NAT10: variants seen among roughly 807,000 people sequenced by gnomAD.
NAT10 encodes RNA cytidine acetyltransferase.
In NAT10, 109 loss-of-function variants were observed where a neutral mutation model predicts 132.2. The ratio of observed to expected loss-of-function variants is 0.82; its 90% CI spans 0.71 to 0.97. The LOEUF (loss-of-function observed/expected upper bound fraction) is 0.97. NAT10 is among the 50% of genes least tolerant of loss of function. The pLI is 0.00. For synonymous variants in NAT10, 479 were observed against 478.0 expected (o/e 1.00, Z -0.03); for missense variants, 1,184 against 1,263.4 (o/e 0.94, Z 0.95).
At chr11:34,120,461 T>G (rs1459160408) in intron 8 of NAT10, among the ~76,000 whole-genome samples, 1 of 152,236 alleles carries the variant, frequency 6.6e-6, no homozygotes, top group Non-Finnish European at 1.5e-5. Context: ...CTTCAGTGTC[T>G]TCTTAGCATC....
Position 34,134,538 on chromosome 11 carries a change from G to C in NAT10, c.1863G>C (p.Leu621=), listed in dbSNP as rs747848315. 8 of 1,614,068 alleles carry C rather than the reference G, an allele frequency of 5.0e-6. No individual in the cohort carries two copies. The Admixed American group carries it at 6.7e-5, about 13-fold the overall frequency. Reference sequence around the variant, plus strand: ...TCCAAGATCCAGACTTTGGTGGTCTGTCTGGTGGAAGGGTCGTTCGCATTG... The same window carrying C: ...TCCAAGATCCAGACTTTGGTGGTCTCTCTGGTGGAAGGGTCGTTCGCATTG... ...EQFQDPDFGG[L]SGGRVVRIAV... is the part of the protein sequence containing the mutation. Residue 621 remains leucine (L), a synonymous_variant, in exon 18 of 29, where the codon CTG becomes CTC. Coordinates refer to ENST00000257829, the MANE Select transcript of NAT10 (RefSeq NM_024662.3).
Position 34,134,500 on chromosome 11 carries a change from T to C in NAT10, c.1837-12T>C. ...TGTGTTGCTAAGTTACTGGTTTGTG[T>C]CTCCCACACAGTTCCAAGATCCAGA... On this transcript the variant is annotated splice_polypyrimidine_tract_variant and intron_variant, in intron 17 of 28. Coordinates refer to ENST00000257829, the MANE Select transcript of NAT10 (RefSeq NM_024662.3). 6.2e-7 allele frequency: 1 copy of C among 1,614,094 alleles called. No homozygotes were observed. Among genetic ancestry groups the C allele is most frequent in the South Asian group, 1.1e-5 (1 of 91,082 alleles).
chr11:34,127,541 C>G lies in NAT10; in HGVS notation c.1186C>G (p.Pro396Ala). Residue 396 changes from proline to alanine, a missense_variant, in exon 12 of 29, where the codon CCC (proline) becomes GCC (alanine). Pro to Ala is a conservative substitution (Grantham distance 27). Coordinates refer to ENST00000257829, the MANE Select transcript of NAT10 (RefSeq NM_024662.3). ...VIDEAAAIPL[P>A]LVKSLLGPYL... ...TGATGAAGCTGCCGCCATCCCCCTCCCCTTGGTGAAGAGCCTACTTGGCCC... is the reference window on the plus strand; with the variant it reads ...TGATGAAGCTGCCGCCATCCCCCTCGCCTTGGTGAAGAGCCTACTTGGCCC... The G allele has an allele frequency of 6.2e-7, 1 of 1,614,170 alleles. No individual in the cohort carries two copies. Among genetic ancestry groups the G allele is most frequent in the Non-Finnish European group, 8.5e-7 (1 of 1,180,012 alleles).
intron 6 of NAT10, among the ~76,000 whole-genome samples, chr11:34,116,128 G>C (rs1851778722): frequency 6.6e-6 from 1 of 152,116 alleles, no homozygotes; most frequent in African/African-American, 2.4e-5. Flanking sequence ...GTTAAACCAG[G>C]TTACTCTCTC....
intron 21 of NAT10, chr11:34,138,973 A>C (rs1852268144): frequency 1.8e-6 from 1 of 543,772 alleles, no homozygotes; most frequent in Non-Finnish European, 3.3e-6. Context: ...AGGAGATTGC[A>C]GGACAGTGAT....
intron 16 of NAT10, among the ~76,000 whole-genome samples, chr11:34,133,927 CGGA>C (rs1852154571): frequency 6.6e-6 from 1 of 150,572 alleles, no homozygotes; most frequent in Non-Finnish European, 1.5e-5. Context: ...CCGAGGCGGG[CGGA>C]TCACAAGGTC....
chr11:34,129,730 T>G (rs561676536), intron 12 of NAT10, among the ~76,000 whole-genome samples: 1 of 149,944 alleles, frequency 6.7e-6, no homozygotes. Flanking sequence ...TGCCTCAGCC[T>G]CTTGAGTAGC....
intron 26 of NAT10, 183 bp from the exon 27 acceptor site, chr11:34,142,092 A>G (rs1447520071): frequency 3.1e-6 from 2 of 645,948 alleles, no homozygotes; most frequent in East Asian, 5.5e-5. Context: ...GACTTCTTAA[A>G]TGCATAGTTT....
chr11:34,107,852 C>A (rs113967792), intron 1 of NAT10, among the ~76,000 whole-genome samples: 12,999 of 152,260 alleles, frequency 0.085, 581 homozygotes, highest in African/African-American at 0.092. Flanking sequence ...TCCAGCCTGG[C>A]GACAGAGTGA....
chr11:34,141,123 C>G lies in NAT10; in HGVS notation c.2627C>G (p.Ser876Cys), dbSNP rs753850727. The G allele has an allele frequency of 4.3e-6, 7 of 1,613,944 alleles. No individual in the cohort carries two copies. The highest frequency in any genetic ancestry group is 5.9e-6 in the Non-Finnish European group (7 of 1,180,008). ...TTGGGGATTGGCCTGCAGCATAAGT[C>G]TGTGGACCAGCTGGAAAAGGAGATT... ...LLLGIGLQHK[S>C]VDQLEKEIEL... Residue 876 changes from serine to cysteine, a missense_variant, in exon 25 of 29, where the codon TCT (serine) becomes TGT (cysteine). Physicochemically the swap from Ser to Cys is moderately radical, Grantham distance 112 (BLOSUM62 -1). Coordinates refer to ENST00000257829, the MANE Select transcript of NAT10 (RefSeq NM_024662.3).
In NAT10 at chr11:34,135,287, G is replaced by A. The variant is rs372051291; in HGVS notation, c.2024G>A (p.Ser675Asn). 1.2e-6 allele frequency: 2 copies of A among 1,613,592 alleles called. No individual in the cohort carries two copies. Among genetic ancestry groups the A allele is most frequent in the Non-Finnish European group, 1.7e-6 (2 of 1,179,610 alleles). Residue 675 changes from serine to asparagine, a missense_variant, in exon 19 of 29, where the codon AGC becomes AAC. By Grantham distance (46) the Ser-to-Asn change is conservative. Transcript: ENST00000257829. ...CCACAGGAAATTCACACCGTAAGCA[G>A]CGAGGTAAGCATCTTTCGACAGACC... ...ETPQEIHTVSSEAVSLLEEVI... is the reference protein window; with the variant it reads ...ETPQEIHTVSNEAVSLLEEVI...
Position 34,146,320 on chromosome 11 carries a change from C to A in NAT10, c.*128C>A. On this transcript the variant is annotated 3_prime_UTR_variant, in exon 29 of 29. Coordinates refer to ENST00000257829, the MANE Select transcript of NAT10 (RefSeq NM_024662.3). ...CCTGGAAGCTGGCCGCGAATTCGGC[C>A]TCTGGGCCTGTGTGTCTGTGAGCTC... 1 of 657,670 alleles carries A rather than the reference C, an allele frequency of 1.5e-6. No homozygotes were observed. Among genetic ancestry groups the A allele is most frequent in the East Asian group, 2.8e-5 (1 of 35,302 alleles). The allele number at this position is 657,670 out of a possible 1,614,324, so 40.7% of individuals were successfully genotyped here.
chr11:34,124,429 C>A (rs776908270), intron 11 of NAT10, 29 bp downstream of exon 11: 3 of 1,516,116 alleles, frequency 2.0e-6, no homozygotes, highest in Admixed American at 1.7e-5. Flanking sequence ...CCCTGATGTG[C>A]AGGGCCAGTG....
intron 6 of NAT10, among the ~76,000 whole-genome samples, chr11:34,116,507 C>T (rs1467088191): frequency 6.6e-6 from 1 of 152,072 alleles, no homozygotes; most frequent in East Asian, 1.9e-4. Flanking sequence ...CAACCTTTGC[C>T]TCCCAGGTCG....
At position 34,131,473 on chromosome 11, in the gene NAT10, G is replaced by A; in HGVS notation, c.1462G>A (p.Asp488Asn). ...GTGGCTGAATGACTTGCTGTGCCTG[G>A]ATTGCCTCAACATCACTCGGATAGT... ...EKWLNDLLCL[D>N]CLNITRIVSG... Residue 488 changes from aspartate (D) to asparagine (N), a missense_variant, in exon 14 of 29, where the codon GAT becomes AAT. Physicochemically the swap from Asp to Asn is conservative, Grantham distance 23. Transcript: ENST00000257829. 1.2e-6 allele frequency: 2 copies of A among 1,614,102 alleles called. No individual in the cohort carries two copies. Among genetic ancestry groups the A allele is most frequent in the Non-Finnish European group, 1.7e-6 (2 of 1,180,020 alleles).
intron 18 of NAT10, among the ~76,000 whole-genome samples, chr11:34,134,910 C>A (rs1346740407): frequency 6.6e-6 from 1 of 152,234 alleles, no homozygotes; most frequent in Non-Finnish European, 1.5e-5. Flanking sequence ...TGGGCTTGCC[C>A]ATCTGGAGAC....
At chr11:34,137,998 G>C (rs1408190867) in intron 21 of NAT10, among the ~76,000 whole-genome samples, 2 of 152,192 alleles carry the variant, frequency 1.3e-5, no homozygotes, top group East Asian at 3.9e-4. Flanking sequence ...GAACTAGAAG[G>C]GGAACAGGCG....
At chr11:34,135,890 A>C (rs1179747979) in intron 19 of NAT10, among the ~76,000 whole-genome samples, 7 of 342 alleles carry the variant, frequency 0.02, no homozygotes, top group Admixed American at 0.18. Context: ...TTGAACCCCA[A>C]GGTTGAGGCT....
At position 34,133,040 on chromosome 11, in the gene NAT10, T is replaced by C; in HGVS notation, c.1632T>C (p.Asp544=). The change falls in exon 16 of 29, where the codon GAT becomes GAC. Residue 544 remains aspartate, a synonymous_variant. Transcript: ENST00000257829. ...VASHYKNSPN[D]LQMLSDAPAH... is the part of the protein sequence containing the mutation. ...GGCTTCCACAGAACTCTCCCAATGA[T>C]CTCCAGATGCTCTCCGATGCACCTG... is the stretch of plus-strand genomic sequence containing the variant. The C allele has an allele frequency of 6.2e-7, 1 of 1,614,048 alleles. No individual in the cohort carries two copies. The highest frequency in any genetic ancestry group is 2.2e-5 in the East Asian group (1 of 44,876).
Sources: gnomAD v4.1 joint callset for allele counts (sites outside exome capture counted in the v4.1 genomes callset) on GRCh38, gnomAD v4.1.1 for gene constraint, MANE v1.5 for transcripts, NCBI Gene and HGNC (gene_info 2026-07-23, HGNC 2026-07-21) for gene names.